The following CDKAL1 variants were observed in gnomAD, a reference collection of about 807,000 sequenced individuals.
The protein encoded by CDKAL1 is CDKAL1 threonylcarbamoyladenosine tRNA methylthiotransferase.
A neutral mutation model predicts 68.2 loss-of-function variants in CDKAL1; 32 were observed. The ratio of observed to expected loss-of-function variants is 0.47; its 90% confidence interval spans 0.35 to 0.63. The LOEUF is 0.63. Among genes scored for constraint, CDKAL1 ranks in the 30% least tolerant of loss-of-function variants. The probability of loss-of-function intolerance (pLI) is 0.00; values close to 1 mark genes in which losing one functional copy is unlikely to be tolerated. For synonymous variants in CDKAL1, 234 were observed against 244.3 expected (o/e 0.96, Z 0.39); for missense variants, 606 against 696.7 (o/e 0.87, Z 1.47).
At chr6:20,678,351 T>G (rs1231419647) in intron 5 of CDKAL1, among the ~76,000 whole-genome samples, 2 of 152,238 alleles carry the variant, frequency 1.3e-5, no homozygotes, top group African/African-American at 4.8e-5. Flanking sequence ...GATTATTCTT[T>G]GTATGTTACT....
At position 21,001,934 on chromosome 6, in the gene CDKAL1, A is replaced by G. The variant is rs915213953; in HGVS notation, c.1055+1562A>G. Among the ~76,000 whole-genome samples the G allele has an allele frequency of 7.9e-5, 12 of 152,332 alleles. No homozygotes were observed. The East Asian group carries it at 2.3e-3, about 29-fold the overall frequency. ...ATGCATCCCGGGTGCAGAATAGACT[A>G]GAACACTTTCCAGATAGTTTGTTGC... is the stretch of plus-strand genomic sequence containing the variant. On this transcript the variant is annotated intron_variant, in intron 11 of 15. Transcript: ENST00000274695.
Position 20,869,144 on chromosome 6 carries a change from T to A in CDKAL1, c.742+22966T>A, listed in dbSNP as rs1171096998. On this transcript the variant is annotated intron_variant, in intron 9 of 15. Transcript: ENST00000274695. ...TATCTCATCTCATTTTAGTTGGGAG[T>A]TGCTCTCAACAGTGGTATTGATATG... 2.6e-5 allele frequency among the ~76,000 whole-genome samples: 4 copies of A among 152,250 alleles called. No individual in the cohort carries two copies. The East Asian group carries it at 7.7e-4, about 29-fold the overall frequency.
intron 9 of CDKAL1, among the ~76,000 whole-genome samples, chr6:20,866,279 A>G (rs1351827504): frequency 6.6e-6 from 1 of 152,200 alleles, no homozygotes; most frequent in African/African-American, 2.4e-5. Context: ...GACTGAATAA[A>G]TGTGCAACTG....
intron 10 of CDKAL1, among the ~76,000 whole-genome samples, chr6:20,982,334 C>T (rs529670993): frequency 6.6e-6 from 1 of 152,198 alleles, no homozygotes; most frequent in South Asian, 2.1e-4. Flanking sequence ...GCTGGGATTA[C>T]AGACATGAGC....
intron 5 of CDKAL1, among the ~76,000 whole-genome samples, chr6:20,703,526 T>A (rs1055558745): frequency 7.9e-5 from 12 of 152,178 alleles, no homozygotes; most frequent in African/African-American, 2.7e-4. Flanking sequence ...GTGATTCATT[T>A]AAAAAATATA....
chr6:20,540,081 T>TTTTTTTTTTG (rs1763329235), intron 2 of CDKAL1, among the ~76,000 whole-genome samples: 2 of 148,968 alleles, frequency 1.3e-5, no homozygotes, highest in Admixed American at 1.3e-4. Context: ...GATTGTCTTT[T>TTTTTTTTTTG]TTTTTTTTTT....
chr6:20,571,157 T>C (rs1371427568), intron 4 of CDKAL1, among the ~76,000 whole-genome samples: 2 of 152,180 alleles, frequency 1.3e-5, no homozygotes, highest in Non-Finnish European at 2.9e-5. Flanking sequence ...AAGAAAAAAC[T>C]CGATGTTTAA....
At chr6:20,560,565 A>G (rs957383924) in intron 4 of CDKAL1, among the ~76,000 whole-genome samples, 3 of 152,244 alleles carry the variant, frequency 2.0e-5, no homozygotes, top group Non-Finnish European at 2.9e-5. Context: ...TACTCACTAA[A>G]AACTAACCTT....
At chr6:20,714,790 C>T (rs1772014994) in intron 5 of CDKAL1, among the ~76,000 whole-genome samples, 2 of 152,034 alleles carry the variant, frequency 1.3e-5, no homozygotes, top group African/African-American at 4.8e-5. Flanking sequence ...TAAAATAAAA[C>T]ACTTGGCATA....
chr6:20,601,883 T>A (rs1766112920), intron 4 of CDKAL1, among the ~76,000 whole-genome samples: 2 of 152,212 alleles, frequency 1.3e-5, no homozygotes, highest in Non-Finnish European at 2.9e-5. Flanking sequence ...TTTCCATGTT[T>A]ATTTGTTATA....
intron 12 of CDKAL1, among the ~76,000 whole-genome samples, chr6:21,071,707 T>A (rs1373631398): frequency 6.6e-6 from 1 of 152,208 alleles, no homozygotes; most frequent in African/African-American, 2.4e-5. Context: ...GATTCTAGGC[T>A]ATCATGTATC....
At chr6:20,538,678 C>G (rs1015847860) in intron 2 of CDKAL1, among the ~76,000 whole-genome samples, 1 of 152,106 alleles carries the variant, frequency 6.6e-6, no homozygotes, top group African/African-American at 2.4e-5. Flanking sequence ...GTCAGTAGTT[C>G]TTCCGCATTC....
chr6:20,836,686 T>C (rs1777961880), intron 8 of CDKAL1, among the ~76,000 whole-genome samples: 1 of 152,208 alleles, frequency 6.6e-6, no homozygotes, highest in Non-Finnish European at 1.5e-5. Context: ...TATAAAGGAA[T>C]ATACATTCCT....
chr6:20,873,100 C>T (rs1317670961), intron 9 of CDKAL1, among the ~76,000 whole-genome samples: 4 of 152,032 alleles, frequency 2.6e-5, no homozygotes, highest in African/African-American at 7.2e-5. Context: ...TTTAAAAATT[C>T]AAGTTCAAAT....
At chr6:20,714,797 C>T (rs1337812752) in intron 5 of CDKAL1, among the ~76,000 whole-genome samples, 1 of 152,056 alleles carries the variant, frequency 6.6e-6, no homozygotes, top group African/African-American at 2.4e-5. Context: ...AAACACTTGG[C>T]ATACATAAGA....
chr6:20,992,388 C>G (rs1001241600), intron 10 of CDKAL1, among the ~76,000 whole-genome samples: 2 of 151,584 alleles, frequency 1.3e-5, no homozygotes, highest in Middle Eastern at 3.2e-3. Flanking sequence ...CATTTTTTGT[C>G]TCTGTTATAA....
At position 21,114,616 on chromosome 6, in the gene CDKAL1, T is replaced by G. The variant is rs551212494; in HGVS notation, c.1299+6153T>G. On this transcript the variant is annotated intron_variant, in intron 13 of 15. Coordinates refer to ENST00000274695, the MANE Select transcript of CDKAL1 (RefSeq NM_017774.3). Reference sequence around the variant, plus strand: ...AGGTGTGGTGGCATGTGCCTGTGTTTCCAGCTACTCGGGAGGCTGAAACAA... The same window carrying G: ...AGGTGTGGTGGCATGTGCCTGTGTTGCCAGCTACTCGGGAGGCTGAAACAA... 3.3e-5 allele frequency among the ~76,000 whole-genome samples: 5 copies of G among 151,492 alleles called. No individual in the cohort carries two copies. The South Asian group carries it at 1.0e-3, about 32-fold the overall frequency.
At chr6:20,790,370 A>G (rs1251036886) in intron 8 of CDKAL1, among the ~76,000 whole-genome samples, 1 of 152,174 alleles carries the variant, frequency 6.6e-6, no homozygotes, top group Non-Finnish European at 1.5e-5. Flanking sequence ...AACCAAAACA[A>G]AACCCATAAG....
At chr6:20,791,229 G>A (rs1775885737) in intron 8 of CDKAL1, among the ~76,000 whole-genome samples, 1 of 152,196 alleles carries the variant, frequency 6.6e-6, no homozygotes, top group Admixed American at 6.5e-5. Context: ...TAATAATAGT[G>A]TTGTGAGAAT....
Sources: allele counts gnomAD v4.1 joint callset (sites outside exome capture counted in the v4.1 genomes callset), GRCh38; gene constraint gnomAD v4.1.1; transcripts MANE v1.5; gene names NCBI Gene and HGNC (gene_info 2026-07-23, HGNC 2026-07-21).